The following ANK3 variants were observed in gnomAD, a reference collection of about 807,000 sequenced individuals.
ANK3 encodes ankyrin 3.
ANK3 carries 57 observed loss-of-function variants against 370.9 expected under a neutral mutation model. The ratio of observed to expected loss-of-function variants is 0.15; its 90% confidence interval spans 0.12 to 0.19. ANK3 has a LOEUF of 0.19. Among genes scored for constraint, ANK3 ranks in the 10% least tolerant of loss-of-function variants. The pLI is 1.00. For synonymous variants in ANK3, 1,929 were observed against 1,946.3 expected (o/e 0.99, Z 0.23); for missense variants, 4,439 against 5,302.1 (o/e 0.84, Z 5.06).
chr10:60,050,844 T>A (rs1019566896), intron 42 of ANK3: 1 of 152,068 alleles, frequency 6.6e-6, no homozygotes, highest in African/African-American at 2.4e-5. Context: ...AATTGACTCC[T>A]ATACTTAAAA....
intron 1 of ANK3, among the ~76,000 whole-genome samples, chr10:60,626,586 C>T (rs2078413226): frequency 6.6e-6 from 1 of 152,144 alleles, no homozygotes; most frequent in Admixed American, 6.5e-5. Context: ...TGGAAATTCT[C>T]CTCACAGCCA....
chr10:60,030,423 T>G (rs1309681523), intron 43 of ANK3, among the ~76,000 whole-genome samples: 1 of 152,116 alleles, frequency 6.6e-6, no homozygotes, highest in East Asian at 1.9e-4. Context: ...ATTACAGGCA[T>G]GAGCCACCAC....
chr10:60,147,641 G>T (rs186634712), intron 23 of ANK3, among the ~76,000 whole-genome samples: 10 of 152,220 alleles, frequency 6.6e-5, no homozygotes, highest in Non-Finnish European at 1.2e-4. Context: ...TGCTGTTCTC[G>T]TGATAGTGAG....
At chr10:60,120,974 GA>G (rs2093430746) in intron 25 of ANK3, among the ~76,000 whole-genome samples, 3 of 152,068 alleles carry the variant, frequency 2.0e-5, no homozygotes, top group African/African-American at 7.2e-5. Context: ...ATACCCAAAA[GA>G]AAAGAAGTAT....
At chr10:60,552,640 T>C (rs903212213) in intron 2 of ANK3, among the ~76,000 whole-genome samples, 1 of 152,190 alleles carries the variant, frequency 6.6e-6, no homozygotes, top group Admixed American at 6.6e-5. Context: ...GTCTTGGAAA[T>C]TTGCTGTATG....
chr10:60,708,575 C>G (rs1191996506), intron 1 of ANK3, among the ~76,000 whole-genome samples: 1 of 152,168 alleles, frequency 6.6e-6, no homozygotes, highest in African/African-American at 2.4e-5. Context: ...GAAATACACC[C>G]AGAACATTCT....
At chr10:60,656,221 T>G (rs1358265813) in intron 1 of ANK3, among the ~76,000 whole-genome samples, 2 of 152,214 alleles carry the variant, frequency 1.3e-5, no homozygotes, top group Non-Finnish European at 2.9e-5. Context: ...ATTTCTTTTT[T>G]TGTCAGATTT....
chr10:60,362,391 G>A (rs1439629946), intron 1 of ANK3, among the ~76,000 whole-genome samples: 5 of 152,044 alleles, frequency 3.3e-5, no homozygotes, highest in African/African-American at 7.3e-5. Context: ...ACATTTTCTC[G>A]TTTCAGAAAA....
chr10:60,269,657 C>A lies in ANK3; in HGVS notation c.513+474G>T, dbSNP rs932358939. On this transcript the variant is annotated intron_variant, in intron 5 of 43. Transcript: ENST00000280772. ...GAGACTCCATCCCCCCTCCCCCCCCCCAAAAAAAGTACCATAGTTTTATTT... is the reference window on the plus strand; with the variant it reads ...GAGACTCCATCCCCCCTCCCCCCCCACAAAAAAAGTACCATAGTTTTATTT... 1.7e-4 allele frequency among the ~76,000 whole-genome samples: 24 copies of A among 141,810 alleles called. No individual in the cohort carries two copies. The Middle Eastern group carries it at 0.011, about 66-fold the overall frequency. The allele number at this position is 141,810 out of a possible 152,430, so 93.0% of individuals were successfully genotyped here.
Position 60,725,859 on chromosome 10 carries a change from C to T in ANK3, c.57+7404G>A, listed in dbSNP as rs139877179. 1.7e-4 allele frequency among the ~76,000 whole-genome samples: 26 copies of T among 152,072 alleles called. No homozygotes were observed. The East Asian group carries it at 4.2e-3, about 25-fold the overall frequency. On this transcript the variant is annotated intron_variant, in intron 1 of 43. Transcript: ENST00000373827. ...CTAAAGCTTGGAAAATGAAATTTTC[C>T]GAAACATAGGGAAACTGAAACAGAA...
In ANK3 at chr10:60,075,561, G is replaced by T. The variant is rs752739777; in HGVS notation, c.5320C>A (p.Pro1774Thr). The change falls in exon 37 of 44, where the codon CCA becomes ACA. Residue 1774 changes from proline to threonine, a missense_variant. Physicochemically the swap from Pro to Thr is conservative, Grantham distance 38 (BLOSUM62 -1). This residue lies in a region of ANK3 where 679 missense variants were observed against 791.0 expected (regional missense o/e 0.86). Coordinates refer to ENST00000280772, the MANE Select transcript of ANK3 (RefSeq NM_020987.5). The stretch of plus-strand genomic sequence containing the variant: ...ACATATGACCTGAGTGGGGAAAATG[G>T]CATTGCAGTCGTGGTAGAAAACACT... The part of the protein sequence containing the change: ...EKVFSTTTAM[P>T]FSPLRSYVSA... 6.2e-7 allele frequency: 1 copy of T among 1,614,032 alleles called. No homozygotes were observed. The highest frequency in any genetic ancestry group is 1.1e-5 in the South Asian group (1 of 91,080).
intron 7 of ANK3, among the ~76,000 whole-genome samples, chr10:60,236,008 A>G (rs975516839): frequency 4.4e-4 from 67 of 152,234 alleles, no homozygotes; most frequent in South Asian, 4.1e-4. Flanking sequence ...TCTTGAATGC[A>G]TGATTTTAAA....
chr10:60,075,636 T>C lies in ANK3; in HGVS notation c.5245A>G (p.Thr1749Ala). 6.2e-7 allele frequency: 1 copy of C among 1,614,160 alleles called. No individual in the cohort carries two copies. Among genetic ancestry groups the C allele is most frequent in the Non-Finnish European group, 8.5e-7 (1 of 1,180,006 alleles). ...CTGACCACAGAGCTCACAGAGTTTGTAGCAGAAGAAATTTTTTCCTGTAAC... is the reference window on the plus strand; with the variant it reads ...CTGACCACAGAGCTCACAGAGTTTGCAGCAGAAGAAATTTTTTCCTGTAAC... ...ATLQEKISSATNSVSSVVSAA... is the reference protein window; with the variant it reads ...ATLQEKISSAANSVSSVVSAA... The change falls in exon 37 of 44, where the codon ACA (threonine) becomes GCA (alanine). Residue 1749 changes from threonine to alanine, a missense_variant. Physicochemically the swap from Thr to Ala is moderately conservative, Grantham distance 58. Coordinates refer to ENST00000280772, the MANE Select transcript of ANK3 (RefSeq NM_020987.5).
intron 2 of ANK3, among the ~76,000 whole-genome samples, chr10:60,593,114 G>A (rs1317801985): frequency 6.6e-6 from 1 of 152,196 alleles, no homozygotes; most frequent in African/African-American, 2.4e-5. Context: ...AGTTTTTAGA[G>A]TTGCCAAGGG....
chr10:60,216,126 C>A (rs2096933202), intron 8 of ANK3, among the ~76,000 whole-genome samples: 1 of 151,926 alleles, frequency 6.6e-6, no homozygotes, highest in South Asian at 2.1e-4. Flanking sequence ...AATGGGAGTT[C>A]ATTCATGATT....
intron 41 of ANK3, among the ~76,000 whole-genome samples, chr10:60,058,441 T>C (rs1262991453): frequency 6.6e-6 from 1 of 152,200 alleles, no homozygotes; most frequent in Non-Finnish European, 1.5e-5. Flanking sequence ...TATTATTTGG[T>C]GTAAAAAACT....
chr10:60,322,137 A>T (rs1288465670), intron 1 of ANK3, among the ~76,000 whole-genome samples: 1 of 152,180 alleles, frequency 6.6e-6, no homozygotes, highest in Non-Finnish European at 1.5e-5. Context: ...TTCTTAACTA[A>T]TATATTAAGT....
chr10:60,410,902 G>A (rs76455873), intron 2 of ANK3, among the ~76,000 whole-genome samples: 17 of 151,542 alleles, frequency 1.1e-4, no homozygotes, highest in African/African-American at 1.7e-4. Flanking sequence ...TTGAACTCCC[G>A]GCCTCAGGCA....
chr10:60,168,545 A>T (rs529844961), intron 21 of ANK3, among the ~76,000 whole-genome samples: 10 of 152,082 alleles, frequency 6.6e-5, no homozygotes, highest in East Asian at 3.9e-4. Flanking sequence ...TTGTTTTTTT[A>T]AAAAAATTAA....
Sources: allele counts gnomAD v4.1 joint callset (sites outside exome capture counted in the v4.1 genomes callset), GRCh38; gene constraint gnomAD v4.1.1; regional missense constraint gnomAD v4.1.1; transcripts MANE v1.5; gene names NCBI Gene and HGNC (gene_info 2026-07-23, HGNC 2026-07-21).